Variants in GPR39 observed in about 807,000 individuals in gnomAD.
The protein encoded by GPR39 is zinc sensing receptor.
In GPR39, 23 loss-of-function variants were observed where a neutral mutation model predicts 18.4. The ratio of observed to expected loss-of-function variants is 1.25; its 90% CI spans 0.90 to 1.77. The LOEUF (loss-of-function observed/expected upper bound fraction) is 1.77, where lower values mean the gene tolerates loss of function less well. GPR39 is among the 40% of genes most tolerant of loss of function. GPR39 has a pLI of 0.00. For synonymous variants in GPR39, 280 were observed against 257.9 expected (o/e 1.09, Z -0.82); for missense variants, 647 against 602.4 (o/e 1.07, Z -0.78).
intron 1 of GPR39, among the ~76,000 whole-genome samples, chr2:132,605,406 G>A (rs1030851656): frequency 6.6e-6 from 1 of 152,190 alleles, no homozygotes; most frequent in African/African-American, 2.4e-5. Flanking sequence ...CGGCCCATTA[G>A]TCTGCTCAGT....
intron 1 of GPR39, among the ~76,000 whole-genome samples, chr2:132,426,584 A>G (rs924756369): frequency 3.9e-5 from 6 of 152,116 alleles, no homozygotes; most frequent in Admixed American, 2.0e-4. Context: ...GAGGAAGCCA[A>G]CCCTGGTGCT....
At chr2:132,530,691 C>G in intron 1 of GPR39, among the ~76,000 whole-genome samples, 1 of 152,194 alleles carries the variant, frequency 6.6e-6, no homozygotes, top group Non-Finnish European at 1.5e-5. Context: ...AGAGTGGGGG[C>G]TCATATTCAA....
At chr2:132,580,494 G>A (rs1680604335) in intron 1 of GPR39, among the ~76,000 whole-genome samples, 2 of 152,198 alleles carry the variant, frequency 1.3e-5, no homozygotes, top group Admixed American at 6.5e-5. Flanking sequence ...GTGAAAATAT[G>A]TTTACTTGCA....
chr2:132,643,643 G>GTATC (rs955490772), intron 1 of GPR39, among the ~76,000 whole-genome samples: 11 of 152,298 alleles, frequency 7.2e-5, no homozygotes, highest in Middle Eastern at 3.4e-3. Context: ...CCCCCAAAAA[G>GTATC]TATCTGAGAC....
intron 1 of GPR39, among the ~76,000 whole-genome samples, chr2:132,460,241 A>G (rs990083582): frequency 6.6e-6 from 1 of 152,188 alleles, no homozygotes; most frequent in Non-Finnish European, 1.5e-5. Context: ...ACAGAGGGGC[A>G]CAGTAACTCA....
intron 1 of GPR39, among the ~76,000 whole-genome samples, chr2:132,644,587 G>A (rs1233518803): frequency 6.6e-6 from 1 of 152,214 alleles, no homozygotes; most frequent in Non-Finnish European, 1.5e-5. Flanking sequence ...TGCAAAACCA[G>A]TGTCATTAAA....
intron 1 of GPR39, among the ~76,000 whole-genome samples, chr2:132,562,374 A>C (rs186943803): frequency 1.3e-5 from 2 of 152,252 alleles, no homozygotes; most frequent in East Asian, 3.9e-4. Flanking sequence ...GCCTTTTTGC[A>C]TGTTACACAA....
intron 1 of GPR39, among the ~76,000 whole-genome samples, chr2:132,643,014 G>T (rs1270271639): frequency 6.6e-6 from 1 of 152,182 alleles, no homozygotes; most frequent in Non-Finnish European, 1.5e-5. Flanking sequence ...AACTTAAGAT[G>T]AATTTGGAAT....
At chr2:132,529,227 G>T (rs181306659) in intron 1 of GPR39, among the ~76,000 whole-genome samples, 31 of 152,346 alleles carry the variant, frequency 2.0e-4, no homozygotes, top group Admixed American at 7.2e-4. Context: ...GGCTCGGAGG[G>T]TCCTATGCAC....
At chr2:132,560,394 C>T (rs954125748) in intron 1 of GPR39, among the ~76,000 whole-genome samples, 4 of 152,194 alleles carry the variant, frequency 2.6e-5, no homozygotes, top group Non-Finnish European at 5.9e-5. Flanking sequence ...GGTCCCCTTC[C>T]ACTGCTCTCC....
At chr2:132,623,938 A>G (rs1385221353) in intron 1 of GPR39, among the ~76,000 whole-genome samples, 2 of 151,806 alleles carry the variant, frequency 1.3e-5, no homozygotes, top group African/African-American at 4.8e-5. Context: ...CCACCCCCTC[A>G]CCTCCACCAG....
chr2:132,550,303 T>C (rs1359102080), intron 1 of GPR39, among the ~76,000 whole-genome samples: 2 of 152,156 alleles, frequency 1.3e-5, no homozygotes, highest in East Asian at 3.8e-4. Flanking sequence ...TAAGGAGGCG[T>C]TGGATCAGTC....
intron 1 of GPR39, among the ~76,000 whole-genome samples, chr2:132,525,981 T>C (rs927849842): frequency 4.6e-5 from 7 of 152,138 alleles, no homozygotes; most frequent in African/African-American, 1.4e-4. Context: ...TCATGACAAA[T>C]GGCTTTTCTA....
chr2:132,551,413 C>G (rs2104795056), intron 1 of GPR39, among the ~76,000 whole-genome samples: 1 of 152,286 alleles, frequency 6.6e-6, no homozygotes, highest in Non-Finnish European at 1.5e-5. Context: ...GACCCTTCCC[C>G]CAGGGCTTGA....
chr2:132,593,388 A>G (rs764442238), intron 1 of GPR39, among the ~76,000 whole-genome samples: 4 of 152,126 alleles, frequency 2.6e-5, no homozygotes, highest in Non-Finnish European at 5.9e-5. Flanking sequence ...ATCTTGAGCT[A>G]TCTCATTAGC....
intron 1 of GPR39, among the ~76,000 whole-genome samples, chr2:132,479,943 C>A (rs1461068682): frequency 6.6e-6 from 1 of 152,012 alleles, no homozygotes; most frequent in Admixed American, 6.6e-5. Flanking sequence ...CAAGAGAACC[C>A]TTGGGCACTG....
At chr2:132,453,724 T>A (rs543157044) in intron 1 of GPR39, among the ~76,000 whole-genome samples, 1 of 152,376 alleles carries the variant, frequency 6.6e-6, no homozygotes, top group African/African-American at 2.4e-5. Flanking sequence ...CAGCACCATT[T>A]ATTAAATAGG....
intron 1 of GPR39, among the ~76,000 whole-genome samples, chr2:132,506,685 T>C (rs1025582243): frequency 6.6e-6 from 1 of 152,136 alleles, no homozygotes; most frequent in African/African-American, 2.4e-5. Context: ...GAGAATTCAC[T>C]CACTATCACA....
At chr2:132,625,876 T>C (rs1025090845) in intron 1 of GPR39, among the ~76,000 whole-genome samples, 2 of 151,992 alleles carry the variant, frequency 1.3e-5, no homozygotes, top group Admixed American at 1.3e-4. Context: ...CCAAGGCGGG[T>C]GGATCACAAG....
Sources: gnomAD v4.1 joint callset for allele counts (sites outside exome capture counted in the v4.1 genomes callset) on GRCh38, gnomAD v4.1.1 for gene constraint, MANE v1.5 for transcripts, NCBI Gene and HGNC (gene_info 2026-07-23, HGNC 2026-07-21) for gene names.